Variants in SLC26A7 observed in about 807,000 individuals in gnomAD.
SLC26A7 encodes the protein solute carrier family 26 member 7.
SLC26A7 carries 59 observed loss-of-function variants against 82.5 expected under a neutral mutation model. The ratio of observed to expected loss-of-function variants is 0.72; its 90% confidence interval spans 0.58 to 0.89. The LOEUF is 0.89. Among genes scored for constraint, SLC26A7 ranks in the 40% least tolerant of loss-of-function variants. SLC26A7 has a pLI of 0.00. For missense variants in SLC26A7, 820 were observed against 793.0 expected (o/e 1.03, Z -0.41); for synonymous variants, 271 against 274.3 (o/e 0.99, Z 0.12).
intron 1 of SLC26A7, among the ~76,000 whole-genome samples, chr8:91,217,919 T>C (rs1246727878): frequency 6.6e-6 from 1 of 152,144 alleles, no homozygotes; most frequent in African/African-American, 2.4e-5. Flanking sequence ...ACAGCCACTG[T>C]TGGAGGTCTG....
intron 2 of SLC26A7, among the ~76,000 whole-genome samples, chr8:91,235,899 C>G (rs1350429877): frequency 1.3e-5 from 2 of 152,178 alleles, no homozygotes; most frequent in African/African-American, 4.8e-5. Flanking sequence ...AGTAAAATCT[C>G]TCCTAAAAGC....
chr8:91,244,651 G>A (rs965301847), upstream of SLC26A7, among the ~76,000 whole-genome samples: 2 of 151,668 alleles, frequency 1.3e-5, no homozygotes, highest in East Asian at 1.9e-4. Context: ...CCACAGGCAT[G>A]AGCCACCATG....
At chr8:91,353,060 C>A in intron 11 of SLC26A7, 64 bp downstream of exon 11, 1 of 1,054,112 alleles carries the variant, frequency 9.5e-7, no homozygotes, top group Non-Finnish European at 1.4e-6. Flanking sequence ...CAAATATGCA[C>A]TAATACTTTT....
chr8:91,298,945 C>G lies in SLC26A7; in HGVS notation c.477+3242C>G, dbSNP rs75551699. Among the ~76,000 whole-genome samples the G allele has an allele frequency of 1.1e-3, 169 of 152,256 alleles. 3 individuals carry two copies. In the East Asian group the frequency reaches 0.028, roughly 25 times the overall value. ...AAGGGGTTGTGTCAGTTTACATTCC[C>G]ATAGCAGTGTATGAGAGTGCCTCAG... is the stretch of plus-strand genomic sequence containing the variant. On this transcript the variant is annotated intron_variant, in intron 4 of 18. Transcript: ENST00000276609.
chr8:91,370,087 T>C (rs1814311812), intron 15 of SLC26A7, among the ~76,000 whole-genome samples: 3 of 152,006 alleles, frequency 2.0e-5, no homozygotes, highest in Admixed American at 2.0e-4. Flanking sequence ...TTCTCCCTTC[T>C]CTTTCTTTCT....
intron 15 of SLC26A7, among the ~76,000 whole-genome samples, chr8:91,378,500 G>A (rs1814581540): frequency 7.7e-6 from 1 of 129,780 alleles, no homozygotes; most frequent in Non-Finnish European, 1.7e-5. Context: ...ATATTTATTA[G>A]GTATATATAT....
In SLC26A7 at chr8:91,338,183, A is replaced by C. The variant is rs779436045; in HGVS notation, c.829A>C (p.Asn277His). 5.6e-6 allele frequency: 9 copies of C among 1,610,964 alleles called. No individual in the cohort carries two copies. The African/African-American group carries it at 1.2e-4, about 22-fold the overall frequency. Reference protein sequence around the residue: ...IAASFACYCTNMENTYGLEVV... With the variant: ...IAASFACYCTHMENTYGLEVV... ...TGCATCATTTGCTTGTTATTGCACC[A>C]ATATGGAAAACACATATGGATTAGA... Residue 277 changes from asparagine (N) to histidine (H), a missense_variant, in exon 7 of 19, where the codon AAT (asparagine) becomes CAT (histidine). Physicochemically the swap from Asn to His is moderately conservative, Grantham distance 68. Transcript: ENST00000276609.
chr8:91,364,926 A>G (rs1814149602), intron 13 of SLC26A7, among the ~76,000 whole-genome samples: 1 of 152,220 alleles, frequency 6.6e-6, no homozygotes, highest in African/African-American at 2.4e-5. Context: ...AATGTTTTGT[A>G]TAAAAAATAA....
chr8:91,357,320 G>A (rs1161224229), intron 11 of SLC26A7: 2 of 152,136 alleles, frequency 1.3e-5, no homozygotes, highest in African/African-American at 4.8e-5. Context: ...AAATTTCACA[G>A]TATTTGGCAA....
rs535847909 is a variant in SLC26A7 at position 91,268,191 on chromosome 8, T to C, written c.193+18347T>C. Among the ~76,000 whole-genome samples, 64 of 151,940 alleles carry C rather than the reference T, an allele frequency of 4.2e-4. 1 individual carries two copies. In the South Asian group the frequency reaches 0.013, roughly 31 times the overall value. ...ATGGTCTTTCCTGGAGAATGTTCCA[T>C]TTTCTGTTGAGAAGATCTGTCCATT... On this transcript the variant is annotated intron_variant, in intron 2 of 18. Coordinates refer to ENST00000276609, the MANE Select transcript of SLC26A7 (RefSeq NM_052832.4).
chr8:91,226,073 C>T (rs1810235243), intron 2 of SLC26A7, among the ~76,000 whole-genome samples: 1 of 152,190 alleles, frequency 6.6e-6, no homozygotes, highest in African/African-American at 2.4e-5. Flanking sequence ...TCTACTCAGT[C>T]TCATTTTCTT....
chr8:91,323,124 G>C (rs1812837639), intron 5 of SLC26A7, among the ~76,000 whole-genome samples: 2 of 152,262 alleles, frequency 1.3e-5, no homozygotes, highest in South Asian at 4.1e-4. Context: ...GATGGTTTAT[G>C]AAAGCTCACA....
At chr8:91,287,560 A>G (rs1250598196) in intron 2 of SLC26A7, among the ~76,000 whole-genome samples, 1 of 152,214 alleles carries the variant, frequency 6.6e-6, no homozygotes, top group East Asian at 1.9e-4. Context: ...TTTGCTAAAT[A>G]TGCCTTTCTT....
chr8:91,236,984 A>G (rs571898841), intron 2 of SLC26A7, among the ~76,000 whole-genome samples: 2 of 152,320 alleles, frequency 1.3e-5, no homozygotes, highest in African/African-American at 4.8e-5. Flanking sequence ...CCTTCTGTCA[A>G]CCGAACTTGC....
At chr8:91,239,723 C>G (rs1310015005) in intron 2 of SLC26A7, among the ~76,000 whole-genome samples, 1 of 152,086 alleles carries the variant, frequency 6.6e-6, no homozygotes, top group African/African-American at 2.4e-5. Flanking sequence ...AGAACTAATT[C>G]ATCTTTGTTG....
intron 2 of SLC26A7, among the ~76,000 whole-genome samples, chr8:91,263,542 A>T (rs1811026436): frequency 6.6e-6 from 1 of 152,090 alleles, no homozygotes; most frequent in Non-Finnish European, 1.5e-5. Flanking sequence ...ATCCAAACCT[A>T]TACAAATGCT....
chr8:91,231,776 T>C (rs1192294106), intron 2 of SLC26A7, among the ~76,000 whole-genome samples: 2 of 152,032 alleles, frequency 1.3e-5, no homozygotes, highest in Non-Finnish European at 1.5e-5. Flanking sequence ...TCTGTGTGTA[T>C]GTGTGTATGT....
At chr8:91,357,386 C>T (rs1813900742) in intron 11 of SLC26A7, 1 of 152,124 alleles carries the variant, frequency 6.6e-6, no homozygotes, top group African/African-American at 2.4e-5. Context: ...TTCATTGATG[C>T]TGATTTTTTC....
intron 2 of SLC26A7, among the ~76,000 whole-genome samples, chr8:91,253,295 C>T (rs35325283): frequency 0.47 from 70,871 of 151,856 alleles, 19,566 homozygotes; most frequent in Middle Eastern, 0.65. Flanking sequence ...GCACATCATT[C>T]TCAACTCTTT....
Sources: gnomAD v4.1 joint callset for allele counts (sites outside exome capture counted in the v4.1 genomes callset) on GRCh38, gnomAD v4.1.1 for gene constraint, MANE v1.5 for transcripts, NCBI Gene and HGNC (gene_info 2026-07-23, HGNC 2026-07-21) for gene names.